SUPV3L1: variants seen among roughly 807,000 people sequenced by gnomAD.
SUPV3L1 encodes the protein ATP-dependent RNA helicase SUPV3L1, mitochondrial.
In SUPV3L1, 35 loss-of-function variants were observed where a neutral mutation model predicts 70.0. The ratio of observed to expected loss-of-function variants is 0.50; its 90% CI spans 0.38 to 0.66. SUPV3L1 has a LOEUF of 0.66. Among genes scored for constraint, SUPV3L1 ranks in the 30% least tolerant of loss-of-function variants. The pLI is 0.00. For missense variants in SUPV3L1, 777 were observed against 961.5 expected, an observed-to-expected ratio of 0.81 and a Z score of 2.54; for synonymous variants, 364 against 341.9, an observed-to-expected ratio of 1.06 and a Z score of -0.71.
chr10:69,183,570 T>G (rs916882224), intron 1 of SUPV3L1, among the ~76,000 whole-genome samples: 3 of 152,120 alleles, frequency 2.0e-5, no homozygotes, highest in African/African-American at 7.2e-5. Context: ...TTCCAGCTAC[T>G]TGGGAGGCTG....
intron 5 of SUPV3L1, among the ~76,000 whole-genome samples, chr10:69,189,644 T>C (rs1049328239): frequency 4.9e-4 from 54 of 110,624 alleles, no homozygotes; most frequent in African/African-American, 1.4e-3. Context: ...ATGCTATCAA[T>C]TCTTTTTTTT....
intron 14 of SUPV3L1, among the ~76,000 whole-genome samples, chr10:69,208,206 G>C (rs1842885693): frequency 6.6e-6 from 1 of 152,260 alleles, no homozygotes; most frequent in Non-Finnish European, 1.5e-5. Flanking sequence ...TGGACCAAAA[G>C]CATTGGTATC....
At chr10:69,203,065 A>G (rs753256447) in intron 13 of SUPV3L1, 22 bp downstream of exon 13, 2 of 1,582,924 alleles carry the variant, frequency 1.3e-6, no homozygotes, top group African/African-American at 1.4e-5. Context: ...TCTTTAAGCT[A>G]TTTTGAGTTC....
rs1842652792 is a variant in SUPV3L1, at chr10:69,200,341, A to G, written c.1360A>G (p.Arg454Gly). The G allele has an allele frequency of 6.2e-7, 1 of 1,614,004 alleles. No individual in the cohort carries two copies. The highest frequency in any genetic ancestry group is 1.3e-5 in the African/African-American group (1 of 74,904). ...IKPSINEKGE[R>G]ELEPITTSQA... ...GCCCAGTATCAATGAAAAGGGAGAG[A>G]GAGAACTAGAACCAATCACAACCTC... The change falls in exon 11 of 15, where the codon AGA (arginine) becomes GGA (glycine). Residue 454 changes from arginine to glycine, a missense_variant. Arg to Gly is a moderately radical substitution (Grantham distance 125). Coordinates refer to ENST00000359655, the MANE Select transcript of SUPV3L1 (RefSeq NM_003171.5).
intron 6 of SUPV3L1, among the ~76,000 whole-genome samples, chr10:69,193,779 A>T (rs917563859): frequency 8.5e-5 from 13 of 152,150 alleles, no homozygotes; most frequent in Non-Finnish European, 2.9e-5. Context: ...CCTAAGTGTC[A>T]TTGTATTTTT....
chr10:69,184,982 C>T (rs1176965228), intron 1 of SUPV3L1, among the ~76,000 whole-genome samples: 3 of 152,172 alleles, frequency 2.0e-5, no homozygotes, highest in Non-Finnish European at 4.4e-5. Context: ...ATAATACAAT[C>T]TCAGCTTGAT....
chr10:69,207,563 G>A (rs182562222), intron 13 of SUPV3L1, among the ~76,000 whole-genome samples: 89 of 152,148 alleles, frequency 5.8e-4, no homozygotes, highest in Non-Finnish European at 1.1e-3. Context: ...TGATCTACCC[G>A]CTTCAGACTC....
chr10:69,186,367 A>T, intron 2 of SUPV3L1, 76 bp from the exon 3 acceptor site: 71 of 765,006 alleles, frequency 9.3e-5, no homozygotes, highest in Non-Finnish European at 1.4e-4. Flanking sequence ...CTCTTTGATG[A>T]GTTTGGTGTG....
At chr10:69,187,594 C>G in intron 3 of SUPV3L1, 48 bp from the exon 4 acceptor site, 1 of 1,347,678 alleles carries the variant, frequency 7.4e-7, no homozygotes, top group Non-Finnish European at 1.0e-6. Context: ...AATTTAGTTA[C>G]GAATTTTATG....
intron 8 of SUPV3L1, among the ~76,000 whole-genome samples, 160 bp from the exon 9 acceptor site, chr10:69,198,212 T>C (rs762641085): frequency 7.2e-5 from 11 of 152,232 alleles, no homozygotes; most frequent in Non-Finnish European, 1.5e-4. Context: ...GTAACACTTA[T>C]AATATCAAAA....
chr10:69,187,099 C>G (rs188991124), intron 3 of SUPV3L1, among the ~76,000 whole-genome samples: 9 of 152,006 alleles, frequency 5.9e-5, no homozygotes, highest in East Asian at 1.9e-4. Flanking sequence ...CTGTGGTTTT[C>G]GAAGTTTAAA....
intron 1 of SUPV3L1, among the ~76,000 whole-genome samples, chr10:69,181,345 G>A (rs1157925340): frequency 6.6e-6 from 1 of 152,164 alleles, no homozygotes; most frequent in Non-Finnish European, 1.5e-5. Context: ...ATTGTCTCCA[G>A]GAATAGGAGG....
chr10:69,193,642 T>C (rs1256920383), intron 6 of SUPV3L1, among the ~76,000 whole-genome samples: 2 of 152,042 alleles, frequency 1.3e-5, no homozygotes, highest in African/African-American at 4.8e-5. Flanking sequence ...ACTCCCGGGC[T>C]CAAGCAGTCC....
rs1685617105 is a variant in SUPV3L1 at position 69,200,376 on chromosome 10, G to A, written c.1395G>A (p.Leu465=). 6.2e-7 allele frequency: 1 copy of A among 1,614,144 alleles called. No individual in the cohort carries two copies. Among genetic ancestry groups the A allele is most frequent in the Non-Finnish European group, 8.5e-7 (1 of 1,180,028 alleles). Residue 465 remains leucine (L), a synonymous_variant, in exon 11 of 15, where the codon CTG becomes CTA. Transcript: ENST00000359655. ...AACCAATCACAACCTCTCAAGCCCT[G>A]CAGATTGCTGGCAGAGCTGGCAGAT... ...ELEPITTSQA[L]QIAGRAGRFS...
intron 11 of SUPV3L1, among the ~76,000 whole-genome samples, chr10:69,200,996 A>G (rs992308963): frequency 1.3e-5 from 2 of 152,328 alleles, no homozygotes; most frequent in Middle Eastern, 3.4e-3. Flanking sequence ...CTTTCTAGTA[A>G]TAGTCAAAAT....
intron 3 of SUPV3L1, 34 bp downstream of exon 3, chr10:69,186,584 A>G: frequency 6.6e-7 from 1 of 1,523,888 alleles, no homozygotes; most frequent in South Asian, 1.1e-5. Flanking sequence ...AATCCTATTG[A>G]ACATACCTTC....
rs145281535 is a variant in SUPV3L1, at chr10:69,199,135, T to C, written c.1236T>C (p.Asn412=). The change falls in exon 10 of 15, where the codon AAT becomes AAC. Residue 412 remains asparagine, a synonymous_variant. Coordinates refer to ENST00000359655, the MANE Select transcript of SUPV3L1 (RefSeq NM_003171.5). ...GTKLAQAKKF[N]DPNDPCKILV... The stretch of plus-strand genomic sequence containing the variant: ...AACTTGCTCAAGCAAAAAAGTTTAA[T>C]GATCCCAATGACCCATGCAAAATCT... 6.2e-7 allele frequency: 1 copy of C among 1,611,996 alleles called. No individual in the cohort carries two copies. Among genetic ancestry groups the C allele is most frequent in the African/African-American group, 1.3e-5 (1 of 74,848 alleles).
Position 69,207,651 on chromosome 10 carries a change from A to T in SUPV3L1, c.1777-142A>T, listed in dbSNP as rs971959746. On this transcript the variant is annotated intron_variant, in intron 13 of 14. Coordinates refer to ENST00000359655, the MANE Select transcript of SUPV3L1 (RefSeq NM_003171.5). ...TTAAATGTTCTTTAAAATGTAGAAG[A>T]GTATAAAGGAGAAAAGAAACCACCT... 5 of 930,020 alleles carry T rather than the reference A, an allele frequency of 5.4e-6. No individual in the cohort carries two copies. In the African/African-American group the frequency reaches 8.3e-5, roughly 16 times the overall value. The allele number at this position is 930,020 out of a possible 1,614,324, so 57.6% of individuals were successfully genotyped here.
intron 11 of SUPV3L1, among the ~76,000 whole-genome samples, chr10:69,201,846 C>CT (rs11459312): frequency 0.39 from 55,900 of 141,982 alleles, 12,635 homozygotes; most frequent in African/African-American, 0.64. Flanking sequence ...GCCGTAAAAT[C>CT]TTTTTTTTTT....
Sources: allele counts gnomAD v4.1 joint callset (sites outside exome capture counted in the v4.1 genomes callset), GRCh38; gene constraint gnomAD v4.1.1; transcripts MANE v1.5; gene names NCBI Gene and HGNC (gene_info 2026-07-23, HGNC 2026-07-21).